Variants in IL20RA observed in about 807,000 individuals in gnomAD.
IL20RA encodes interleukin 20 receptor subunit alpha.
Under a neutral mutation model 36.5 loss-of-function variants are expected in IL20RA, and 29 were observed. That is an observed-to-expected ratio of 0.79 (90% CI 0.59 to 1.08). The LOEUF is 1.08. IL20RA is among the 50% of genes least tolerant of loss of function. The pLI is 0.00. For missense variants in IL20RA, 652 were observed against 668.4 expected, an observed-to-expected ratio of 0.98 and a Z score of 0.27; for synonymous variants, 279 against 267.1, an observed-to-expected ratio of 1.04 and a Z score of -0.43.
Position 137,044,607 on chromosome 6 carries a change from C to T in IL20RA, c.88+34G>A, listed in dbSNP as rs577843841. 48 of 1,219,978 alleles carry T rather than the reference C, an allele frequency of 3.9e-5. No homozygotes were observed. The Admixed American group carries it at 1.6e-3, about 42-fold the overall frequency. The allele number at this position is 1,219,978 out of a possible 1,614,324, so 75.6% of individuals were successfully genotyped here. A position where few individuals can be genotyped will look rare whatever the true frequency, so the allele number is the denominator to read the frequency against. ...TGGCGGGGCCCCGGCCTGGAGGCAT[C>T]CCCGACCCGCACCTGGCGGCGCGAC... On this transcript the variant is annotated intron_variant, in intron 1 of 6. Coordinates refer to ENST00000316649, the MANE Select transcript of IL20RA (RefSeq NM_014432.4).
chr6:137,044,753 C>CG lies in IL20RA; in HGVS notation c.-26dup, dbSNP rs1562246566. 15 of 1,212,606 alleles carry CG rather than the reference C, an allele frequency of 1.2e-5. No individual in the cohort carries two copies. The highest frequency in any genetic ancestry group is 1.3e-5 in the Non-Finnish European group (13 of 975,842). The allele number at this position is 1,212,606 out of a possible 1,614,324, so 75.1% of individuals were successfully genotyped here. On this transcript the variant is annotated 5_prime_UTR_variant, in exon 1 of 7. Transcript: ENST00000316649. ...TGGGCGGCGGGGCTGGGTCACATGT[C>CG]GGGGGGCAGCAGACTGCTCAGTCCC...
rs531501235 is a variant in IL20RA, at chr6:137,004,159, C to CGTTT, written c.864+461_864+462insAAAC. ...TCTGTTAGTCAGCTAATCCAGAAAG[C>CGTTT]TTTTTTTTTTTTTTTTTTTTTTTTT... On this transcript the variant is annotated intron_variant, in intron 6 of 6. Coordinates refer to ENST00000316649, the MANE Select transcript of IL20RA (RefSeq NM_014432.4). 2.3e-4 allele frequency among the ~76,000 whole-genome samples: 20 copies of CGTTT among 88,016 alleles called. 10 individuals are homozygous for CGTTT. The highest frequency in any genetic ancestry group is 2.4e-4 in the Non-Finnish European group (12 of 49,124). The allele number at this position is 88,016 out of a possible 152,430, so 57.7% of individuals were successfully genotyped here.
chr6:137,024,740 T>C (rs1370331281), intron 1 of IL20RA, among the ~76,000 whole-genome samples: 1 of 152,180 alleles, frequency 6.6e-6, no homozygotes, highest in East Asian at 1.9e-4. Context: ...TGGTTTTCCA[T>C]GTGTGCATCA....
At chr6:137,033,629 C>T (rs1776375507) in intron 1 of IL20RA, among the ~76,000 whole-genome samples, 1 of 152,222 alleles carries the variant, frequency 6.6e-6, no homozygotes, top group African/African-American at 2.4e-5. Context: ...CCCCTTCCGC[C>T]TTCTGCCATG....
At position 137,000,636 on chromosome 6, in the gene IL20RA, A is replaced by C. The variant is rs1215472469; in HGVS notation, c.*922T>G. On this transcript the variant is annotated 3_prime_UTR_variant, in exon 7 of 7. Coordinates refer to ENST00000316649, the MANE Select transcript of IL20RA (RefSeq NM_014432.4). Reference sequence around the variant, plus strand: ...TACTTATGGGTTTTAATATTATAAGAATAGAGGATATTCATTCATAGATAT... The same window carrying C: ...TACTTATGGGTTTTAATATTATAAGCATAGAGGATATTCATTCATAGATAT... 6.6e-6 allele frequency: 1 copy of C among 152,190 alleles called. No individual in the cohort carries two copies. Among genetic ancestry groups the C allele is most frequent in the Non-Finnish European group, 1.5e-5 (1 of 68,026 alleles). 9.4% of individuals were successfully genotyped at this position (152,190 alleles called of 1,614,324 possible).
At position 137,016,955 on chromosome 6, in the gene IL20RA, AG is replaced by A; in HGVS notation, c.224+12del. The A allele has an allele frequency of 6.2e-7, 1 of 1,611,852 alleles. No homozygotes were observed. Among genetic ancestry groups the A allele is most frequent in the Non-Finnish European group, 8.5e-7 (1 of 1,178,730 alleles). On this transcript the variant is annotated intron_variant, in intron 2 of 6. Coordinates refer to ENST00000316649, the MANE Select transcript of IL20RA (RefSeq NM_014432.4). Reference sequence around the variant, plus strand: ...TGTTTGTAAGCTAGCCAAAAGGAAAAGAAGAAACTTACATGAAATACTGCAC... The same window carrying A: ...TGTTTGTAAGCTAGCCAAAAGGAAAAAAGAAACTTACATGAAATACTGCAC...
In IL20RA at chr6:137,030,575, T is replaced by G. The variant is rs942810573; in HGVS notation, c.89-13472A>C. ...GTCCCCATCATCAGCTTTCCCAAAGTTTTATATTTATGTATTTAATTTACA... is the reference window on the plus strand; with the variant it reads ...GTCCCCATCATCAGCTTTCCCAAAGGTTTATATTTATGTATTTAATTTACA... On this transcript the variant is annotated intron_variant, in intron 1 of 6. Transcript: ENST00000316649. 3.3e-5 allele frequency among the ~76,000 whole-genome samples: 5 copies of G among 152,242 alleles called. No homozygotes were observed. The East Asian group carries it at 9.6e-4, about 29-fold the overall frequency.
chr6:137,004,503 ATTTAAC>A, intron 6 of IL20RA, 112 bp downstream of exon 6: 1 of 1,018,536 alleles, frequency 9.8e-7, no homozygotes, highest in Non-Finnish European at 1.5e-6. Flanking sequence ...TTCACCAGCT[ATTTAAC>A]TTTAAATTCA....
chr6:137,040,681 G>A (rs1263921665), intron 1 of IL20RA, among the ~76,000 whole-genome samples: 1 of 152,178 alleles, frequency 6.6e-6, no homozygotes, highest in East Asian at 1.9e-4. Context: ...ACACATCCAT[G>A]AGTCCATACT....
At chr6:137,021,511 A>AAAAG (rs1775903205) in intron 1 of IL20RA, among the ~76,000 whole-genome samples, 1 of 85,002 alleles carries the variant, frequency 1.2e-5, no homozygotes, top group South Asian at 7.5e-4. Context: ...GCAAAAAAAA[A>AAAAG]AAAACACAAG....
chr6:137,033,052 A>G (rs775158841), intron 1 of IL20RA, among the ~76,000 whole-genome samples: 11 of 152,350 alleles, frequency 7.2e-5, no homozygotes, highest in Middle Eastern at 6.8e-3. Context: ...AAAACAAAGT[A>G]CCACAAACTA....
chr6:137,004,111 C>G (rs937718353), intron 6 of IL20RA, among the ~76,000 whole-genome samples: 100 of 147,504 alleles, frequency 6.8e-4, no homozygotes, highest in African/African-American at 2.5e-3. Context: ...AATAGAACAT[C>G]TTTTCAAAGC....
intron 2 of IL20RA, among the ~76,000 whole-genome samples, chr6:137,012,580 G>A (rs968915728): frequency 2.6e-5 from 4 of 152,114 alleles, no homozygotes; most frequent in African/African-American, 9.7e-5. Context: ...TGGGAGGTAG[G>A]GATTTTGGAG....
At chr6:137,020,503 A>C (rs1775857019) in intron 1 of IL20RA, among the ~76,000 whole-genome samples, 1 of 141,634 alleles carries the variant, frequency 7.1e-6, no homozygotes, top group African/African-American at 2.5e-5. Context: ...AAAAAAAAAA[A>C]CCCCTCCATT....
At chr6:137,032,354 G>A (rs1002687419) in intron 1 of IL20RA, among the ~76,000 whole-genome samples, 1 of 152,202 alleles carries the variant, frequency 6.6e-6, no homozygotes, top group Admixed American at 6.5e-5. Context: ...TGATGGCCTG[G>A]TACTGCCCAG....
chr6:137,017,162 C>A, intron 1 of IL20RA, 59 bp from the exon 2 acceptor site: 1 of 1,418,358 alleles, frequency 7.1e-7, no homozygotes, highest in South Asian at 1.2e-5. Flanking sequence ...AACATGATTC[C>A]TGTAGCAGCT....
rs11379045 is a variant in IL20RA, at chr6:137,032,052, C to CAA, written c.88+12587_88+12588dup. Among the ~76,000 whole-genome samples, 346 of 61,698 alleles carry CAA rather than the reference C, an allele frequency of 5.6e-3. 2 individuals carry two copies. The highest frequency in any genetic ancestry group is 0.015 in the African/African-American group (236 of 16,002). The allele number at this position is 61,698 out of a possible 152,430, so 40.5% of individuals were successfully genotyped here. On this transcript the variant is annotated intron_variant, in intron 1 of 6. Transcript: ENST00000316649. ...TGGGCGACAGAGCAAGATTCTGTCT[C>CAA]AAAAAAAAAAAAAAAAAAAGAAAAG... is the stretch of plus-strand genomic sequence containing the variant.
chr6:137,043,332 C>A (rs1204843506), intron 1 of IL20RA, among the ~76,000 whole-genome samples: 1 of 152,042 alleles, frequency 6.6e-6, no homozygotes, highest in Admixed American at 6.6e-5. Context: ...AACTCCTGAC[C>A]TCAAGCCATC....
intron 6 of IL20RA, 96 bp downstream of exon 6, chr6:137,004,525 C>T: frequency 8.5e-7 from 1 of 1,169,648 alleles, no homozygotes; most frequent in Non-Finnish European, 1.2e-6. Flanking sequence ...ATTCACTCTG[C>T]CCTTAAAGGG....
Sources: allele counts gnomAD v4.1 joint callset (sites outside exome capture counted in the v4.1 genomes callset), GRCh38; gene constraint gnomAD v4.1.1; transcripts MANE v1.5; gene names NCBI Gene and HGNC (gene_info 2026-07-23, HGNC 2026-07-21).